CLEC1A: variants seen among roughly 807,000 people sequenced by gnomAD.
CLEC1A encodes the protein C-type lectin-like receptor-1.
A neutral mutation model predicts 28.7 loss-of-function variants in CLEC1A; 34 were observed. The observed-to-expected ratio is 1.18, with a 90% CI of 0.90 to 1.57. The LOEUF is 1.57. CLEC1A is among the 40% of genes most tolerant of loss of function. The pLI, the probability that CLEC1A is intolerant of heterozygous loss-of-function variation, is 0.00. For missense variants in CLEC1A, 385 were observed against 339.5 expected (o/e 1.13, Z -1.05); for synonymous variants, 116 against 121.0 (o/e 0.96, Z 0.27).
chr12:10,098,127 A>G (rs1947803057), intron 1 of CLEC1A, among the ~76,000 whole-genome samples: 1 of 152,072 alleles, frequency 6.6e-6, no homozygotes, highest in Admixed American at 6.6e-5. Context: ...CAGAAGGGAA[A>G]GGGCATATTA....
At chr12:10,073,264 C>A in intron 5 of CLEC1A, 29 bp downstream of exon 5, 1 of 1,523,228 alleles carries the variant, frequency 6.6e-7, no homozygotes, top group Non-Finnish European at 9.1e-7. Context: ...TGTTAAATGC[C>A]TTTCCCATAA....
rs764200431 is a variant in CLEC1A, at chr12:10,081,407, T to A, written c.221A>T (p.Gln74Leu). The A allele has an allele frequency of 1.8e-5, 28 of 1,591,072 alleles. No individual in the cohort carries two copies. The highest frequency in any genetic ancestry group is 2.4e-5 in the Non-Finnish European group (28 of 1,171,026). ...ACCAGTATTGGAGAGCTGGTAGTAC[T>A]GAAAAACTAACCCAAATGACCAAGT... ...GLAALGLLFFQYYQLSNTGQD... is the reference protein window; with the variant it reads ...GLAALGLLFFLYYQLSNTGQD... Residue 74 changes from glutamine (Q) to leucine (L), a missense_variant, in exon 3 of 6, where the codon CAG becomes CTG. Coordinates refer to ENST00000315330, the MANE Select transcript of CLEC1A (RefSeq NM_016511.4).
chr12:10,073,157 C>T (rs556655189), intron 5 of CLEC1A, 136 bp downstream of exon 5: 293 of 652,144 alleles, frequency 4.5e-4, no homozygotes, highest in Non-Finnish European at 7.4e-4. Context: ...TATCTTCAGG[C>T]ATCCTCCTGC....
chr12:10,075,391 A>G (rs1392631725), intron 4 of CLEC1A, 113 bp downstream of exon 4: 4 of 1,121,268 alleles, frequency 3.6e-6, no homozygotes, highest in Non-Finnish European at 1.3e-6. Context: ...CCTGATCGAA[A>G]CAGGTTCGAA....
In CLEC1A at chr12:10,084,821, C is replaced by CAA. The variant is rs57574014; in HGVS notation, c.215-3410_215-3409dup. 3.3e-3 allele frequency among the ~76,000 whole-genome samples: 274 copies of CAA among 83,734 alleles called. 10 individuals are homozygous for CAA. The highest frequency in any genetic ancestry group is 0.01 in the African/African-American group (261 of 26,100). The allele number at this position is 83,734 out of a possible 152,430, so 54.9% of individuals were successfully genotyped here. Reference sequence around the variant, plus strand: ...TAGGCGACAGAGTGAGACTCTGTATCAAAAAAAAAAAAAAAAAAAAAAGAA... The same window carrying CAA: ...TAGGCGACAGAGTGAGACTCTGTATCAAAAAAAAAAAAAAAAAAAAAAAAGAA... On this transcript the variant is annotated intron_variant, in intron 2 of 5. Coordinates refer to ENST00000315330, the MANE Select transcript of CLEC1A (RefSeq NM_016511.4).
chr12:10,073,503 G>A, intron 4 of CLEC1A, 92 bp from the exon 5 acceptor site: 1 of 836,540 alleles, frequency 1.2e-6, no homozygotes, highest in Non-Finnish European at 2.0e-6. Context: ...TTTTCTCAAA[G>A]CACACACAAG....
intron 4 of CLEC1A, among the ~76,000 whole-genome samples, chr12:10,074,383 A>G (rs182245751): frequency 1.3e-5 from 2 of 152,336 alleles, no homozygotes; most frequent in East Asian, 3.9e-4. Context: ...GTAGTTGAAA[A>G]TATTTATTCC....
In CLEC1A at chr12:10,070,440, T is replaced by A. The variant is rs758626964; in HGVS notation, c.*893A>T. On this transcript the variant is annotated 3_prime_UTR_variant, in exon 6 of 6. Transcript: ENST00000315330. ...TTTTGAAAAGCATTTCCATGCTGAA[T>A]TTTCCCACCAACCATAAGTCCATTG... The A allele has an allele frequency of 1.3e-5, 2 of 152,206 alleles. No individual in the cohort carries two copies. The highest frequency in any genetic ancestry group is 2.9e-5 in the Non-Finnish European group (2 of 68,034). 9.4% of individuals were successfully genotyped at this position (152,206 alleles called of 1,614,324 possible).
At position 10,081,326 on chromosome 12, in the gene CLEC1A, T is replaced by C; in HGVS notation, c.302A>G (p.Gln101Arg). 1 of 1,613,118 alleles carries C rather than the reference T, an allele frequency of 6.2e-7. No homozygotes were observed. The highest frequency in any genetic ancestry group is 8.5e-7 in the Non-Finnish European group (1 of 1,179,306). The part of the protein sequence containing the change: ...ERLGNTSQEL[Q>R]SLQVQNIKLA... ...CTTTATATTCTGGACTTGAAGAGAT[T>C]GCAACTCTTGGGACGTATTTCCTAA... The change falls in exon 3 of 6, where the codon CAA (glutamine) becomes CGA (arginine). Residue 101 changes from glutamine (Q) to arginine (R), a missense_variant. Gln to Arg is a conservative substitution (Grantham distance 43, BLOSUM62 1). Coordinates refer to ENST00000315330, the MANE Select transcript of CLEC1A (RefSeq NM_016511.4).
chr12:10,089,690 G>A (rs903072933), intron 1 of CLEC1A, among the ~76,000 whole-genome samples: 10 of 151,868 alleles, frequency 6.6e-5, no homozygotes, highest in African/African-American at 1.9e-4. Context: ...CCCAAGTTCC[G>A]TATATGCTTT....
chr12:10,097,500 G>T (rs1196234216), intron 1 of CLEC1A, among the ~76,000 whole-genome samples: 1 of 152,172 alleles, frequency 6.6e-6, no homozygotes, highest in Non-Finnish European at 1.5e-5. Flanking sequence ...ATTTCCAGAT[G>T]ATTTCTTCCA....
chr12:10,096,006 G>A (rs557018096), intron 1 of CLEC1A, among the ~76,000 whole-genome samples: 1 of 152,068 alleles, frequency 6.6e-6, no homozygotes, highest in East Asian at 1.9e-4. Flanking sequence ...CCTTCCCTCA[G>A]TGATCTCACT....
intron 1 of CLEC1A, among the ~76,000 whole-genome samples, chr12:10,091,490 T>C (rs1947702228): frequency 6.6e-6 from 1 of 152,120 alleles, no homozygotes; most frequent in South Asian, 2.1e-4. Flanking sequence ...TGTTGGTTTC[T>C]ATACATTGAC....
At chr12:10,079,033 A>C (rs2137339551) in intron 3 of CLEC1A, among the ~76,000 whole-genome samples, 1 of 152,328 alleles carries the variant, frequency 6.6e-6, no homozygotes, top group Non-Finnish European at 1.5e-5. Flanking sequence ...AACCAAATAA[A>C]ACTCTTTTCT....
At chr12:10,095,921 T>C (rs1315830440) in intron 1 of CLEC1A, among the ~76,000 whole-genome samples, 1 of 152,186 alleles carries the variant, frequency 6.6e-6, no homozygotes, top group African/African-American at 2.4e-5. Flanking sequence ...TTCTTCTTGC[T>C]CCTCAGGTGT....
intron 5 of CLEC1A, among the ~76,000 whole-genome samples, chr12:10,072,552 G>A (rs1866157016): frequency 6.6e-6 from 1 of 152,028 alleles, no homozygotes; most frequent in South Asian, 2.1e-4. Context: ...TGCTATCTCT[G>A]GGTACTGACA....
chr12:10,077,051 C>A (rs978969720), intron 3 of CLEC1A, among the ~76,000 whole-genome samples: 2 of 152,108 alleles, frequency 1.3e-5, no homozygotes, highest in African/African-American at 4.8e-5. Context: ...AAAAACAAGT[C>A]TCCTACTTGT....
chr12:10,089,558 C>G (rs1490997066), intron 1 of CLEC1A, among the ~76,000 whole-genome samples: 8 of 151,940 alleles, frequency 5.3e-5, no homozygotes, highest in Non-Finnish European at 5.9e-5. Context: ...ATGAAAGACT[C>G]TCACGAAAAT....
intron 4 of CLEC1A, 152 bp from the exon 5 acceptor site, chr12:10,073,563 T>C: frequency 1.6e-6 from 1 of 608,040 alleles, no homozygotes. Flanking sequence ...GCATCTATGC[T>C]GAGGCCAGTC....
Sources: allele counts gnomAD v4.1 joint callset (sites outside exome capture counted in the v4.1 genomes callset), GRCh38; gene constraint gnomAD v4.1.1; transcripts MANE v1.5; gene names NCBI Gene and HGNC (gene_info 2026-07-23, HGNC 2026-07-21).